Variants in DCC observed in about 807,000 individuals in gnomAD.
DCC encodes DCC netrin 1 receptor, also known as netrin receptor DCC.
A neutral mutation model predicts 172.5 loss-of-function variants in DCC; 58 were observed. The ratio of observed to expected loss-of-function variants is 0.34; its 90% CI spans 0.27 to 0.42. DCC has a LOEUF of 0.42. DCC is among the 10% of genes least tolerant of loss of function. The pLI is 1.00. For synonymous variants in DCC, 709 were observed against 644.5 expected (o/e 1.10, Z -1.52); for missense variants, 1,740 against 1,791.0 (o/e 0.97, Z 0.51).
chr18:52,507,580 A>G (rs2031278198), intron 1 of DCC, among the ~76,000 whole-genome samples: 1 of 152,168 alleles, frequency 6.6e-6, no homozygotes, highest in Non-Finnish European at 1.5e-5. Flanking sequence ...TTTACATGAG[A>G]AGTAAAATAT....
chr18:52,601,480 A>G (rs1302516501), intron 1 of DCC, among the ~76,000 whole-genome samples: 3 of 151,930 alleles, frequency 2.0e-5, no homozygotes, highest in Non-Finnish European at 2.9e-5. Context: ...GTTTTCCTCT[A>G]TGTATCTTGA....
chr18:52,686,395 G>T (rs1599018344), intron 1 of DCC, among the ~76,000 whole-genome samples: 1 of 152,048 alleles, frequency 6.6e-6, no homozygotes, highest in East Asian at 1.9e-4. Context: ...TCTGAGCTTC[G>T]AAAGGATTTT....
rs532135437 is a variant in DCC at position 52,708,049 on chromosome 18, A to G, written c.92-44005A>G. Among the ~76,000 whole-genome samples the G allele has an allele frequency of 5.3e-5, 8 of 152,324 alleles. No individual in the cohort carries two copies. The South Asian group carries it at 1.5e-3, about 28-fold the overall frequency. On this transcript the variant is annotated intron_variant, in intron 1 of 28. Coordinates refer to ENST00000442544, the MANE Select transcript of DCC (RefSeq NM_005215.4). ...CAGTATGTGAAGTAGTGCATATATT[A>G]GTTTGATGTAGCCATTCCATTATGT...
intron 15 of DCC, among the ~76,000 whole-genome samples, 196 bp from the exon 16 acceptor site, chr18:53,385,847 T>A (rs1376929457): frequency 6.6e-6 from 1 of 152,188 alleles, no homozygotes; most frequent in African/African-American, 2.4e-5. Flanking sequence ...TATGTTTTCA[T>A]ATGGGGATTG....
chr18:52,538,510 T>C (rs1438350639), intron 1 of DCC, among the ~76,000 whole-genome samples: 1 of 152,184 alleles, frequency 6.6e-6, no homozygotes, highest in Non-Finnish European at 1.5e-5. Context: ...TCTGGCCACA[T>C]TTTGTCTCTA....
chr18:53,379,229 T>C (rs1461130728), intron 15 of DCC, among the ~76,000 whole-genome samples: 2 of 152,234 alleles, frequency 1.3e-5, no homozygotes, highest in African/African-American at 4.8e-5. Context: ...TTTTCTCTAA[T>C]TGACTTGTTG....
At chr18:52,808,053 C>G (rs985224495) in intron 2 of DCC, among the ~76,000 whole-genome samples, 1 of 152,218 alleles carries the variant, frequency 6.6e-6, no homozygotes, top group South Asian at 2.1e-4. Context: ...AAAACCCACA[C>G]ATCAAATGTG....
intron 1 of DCC, among the ~76,000 whole-genome samples, chr18:52,530,703 A>G (rs534674735): frequency 2.0e-5 from 3 of 152,342 alleles, no homozygotes; most frequent in South Asian, 2.1e-4. Flanking sequence ...TGTCTTCATT[A>G]TCTTTATCCC....
chr18:53,087,928 T>C (rs1439599638), intron 7 of DCC, among the ~76,000 whole-genome samples: 1 of 152,064 alleles, frequency 6.6e-6, no homozygotes. Flanking sequence ...TGCGACGTTA[T>C]TTCTGAGGCC....
intron 15 of DCC, among the ~76,000 whole-genome samples, chr18:53,346,113 C>T (rs2057721276): frequency 6.6e-6 from 1 of 152,116 alleles, no homozygotes; most frequent in Non-Finnish European, 1.5e-5. Flanking sequence ...GCTGCCTCAG[C>T]CTCCTAAGTA....
intron 5 of DCC, among the ~76,000 whole-genome samples, chr18:53,002,555 A>G (rs1199915486): frequency 6.6e-6 from 1 of 152,116 alleles, no homozygotes; most frequent in Non-Finnish European, 1.5e-5. Context: ...CATTTTGTAG[A>G]TTCAAAATCA....
intron 2 of DCC, among the ~76,000 whole-genome samples, chr18:52,753,899 T>G (rs1475091305): frequency 1.3e-5 from 2 of 150,738 alleles, no homozygotes; most frequent in East Asian, 2.0e-4. Context: ...AAAACCTGTC[T>G]TTTTTTTTAA....
At chr18:52,802,588 C>G (rs911058696) in intron 2 of DCC, among the ~76,000 whole-genome samples, 1 of 143,912 alleles carries the variant, frequency 6.9e-6, no homozygotes, top group African/African-American at 2.5e-5. Flanking sequence ...AAGTGGTCCT[C>G]CTGTTTCAGC....
At chr18:52,418,702 G>A (rs1376998584) in intron 1 of DCC, among the ~76,000 whole-genome samples, 1 of 152,082 alleles carries the variant, frequency 6.6e-6, no homozygotes, top group African/African-American at 2.4e-5. Context: ...CCTGAGTTCA[G>A]AGATACCCAA....
intron 3 of DCC, among the ~76,000 whole-genome samples, chr18:52,909,252 A>G (rs1387037941): frequency 2.0e-5 from 3 of 152,210 alleles, no homozygotes; most frequent in African/African-American, 7.2e-5. Context: ...ATATGTGTGT[A>G]TACATGTTAA....
rs1204223537 is a variant in DCC, at chr18:53,399,710, C to A, written c.2827+2264C>A. Reference sequence around the variant, plus strand: ...ACGAGGTCAGGAGATCGAGGCCATCCCGGCTAAAACGGTGAAACCCCGTCT... The same window carrying A: ...ACGAGGTCAGGAGATCGAGGCCATCACGGCTAAAACGGTGAAACCCCGTCT... On this transcript the variant is annotated intron_variant, in intron 18 of 28. Transcript: ENST00000442544. Among the ~76,000 whole-genome samples the A allele has an allele frequency of 1.4e-3, 2 of 1,470 alleles. 1 individual carries two copies. Among genetic ancestry groups the A allele is most frequent in the Admixed American group, 0.059 (2 of 34 alleles). The allele number at this position is 1,470 out of a possible 152,430, so 1.0% of individuals were successfully genotyped here.
chr18:52,516,316 A>G (rs2031639264), intron 1 of DCC, among the ~76,000 whole-genome samples: 1 of 152,244 alleles, frequency 6.6e-6, no homozygotes, highest in Non-Finnish European at 1.5e-5. Context: ...TCTAACACAC[A>G]AATCTTTAAA....
At chr18:53,018,104 C>T (rs997320328) in intron 5 of DCC, among the ~76,000 whole-genome samples, 1 of 152,148 alleles carries the variant, frequency 6.6e-6, no homozygotes, top group African/African-American at 2.4e-5. Flanking sequence ...ACCACCATGG[C>T]ACGTGTATAC....
Position 53,179,113 on chromosome 18 carries a change from G to A in DCC, c.1570G>A (p.Glu524Lys), listed in dbSNP as rs1295311296. The A allele has an allele frequency of 6.2e-7, 1 of 1,613,692 alleles. No individual in the cohort carries two copies. Among genetic ancestry groups the A allele is most frequent in the African/African-American group, 1.3e-5 (1 of 75,050 alleles). Reference protein sequence around the residue: ...SQPIKVATQPELQVPGPVENL... With the variant: ...SQPIKVATQPKLQVPGPVENL... The stretch of plus-strand genomic sequence containing the variant: ...ACCCATCAAGGTGGCCACACAGCCT[G>A]AGTGTGAGTATGAAAAGGAACGGGC... The change falls in exon 9 of 29, where the codon GAG becomes AAG. Residue 524 changes from glutamate to lysine, a missense_variant. Glu to Lys is a moderately conservative substitution (Grantham distance 56, BLOSUM62 1). Around this residue, in one of 2 missense-constraint regions of DCC, gnomAD observed 1,732 missense variants for 1,767.4 expected, o/e 0.98. Coordinates refer to ENST00000442544, the MANE Select transcript of DCC (RefSeq NM_005215.4).
Sources: allele counts gnomAD v4.1 joint callset (sites outside exome capture counted in the v4.1 genomes callset), GRCh38; gene constraint gnomAD v4.1.1; regional missense constraint gnomAD v4.1.1; transcripts MANE v1.5; gene names NCBI Gene and HGNC (gene_info 2026-07-23, HGNC 2026-07-21).